The following SYT14 variants were observed in gnomAD, a reference collection of about 807,000 sequenced individuals.
SYT14 encodes synaptotagmin-14.
A neutral mutation model predicts 74.2 loss-of-function variants in SYT14; 32 were observed. The ratio of observed to expected loss-of-function variants is 0.43; its 90% CI spans 0.33 to 0.58. The LOEUF is 0.58. Among genes scored for constraint, SYT14 ranks in the 20% least tolerant of loss-of-function variants. SYT14 has a pLI of 0.05. For synonymous variants in SYT14, 298 were observed against 337.7 expected (o/e 0.88, Z 1.29); for missense variants, 791 against 981.8 (o/e 0.81, Z 2.60).
At chr1:210,160,554 T>A (rs574255580) in intron 9 of SYT14, among the ~76,000 whole-genome samples, 175 bp from the exon 9 acceptor site, 4 of 152,328 alleles carry the variant, frequency 2.6e-5, no homozygotes, top group African/African-American at 4.8e-5. Context: ...GGATTCTCTG[T>A]ATTTGTCACA....
Position 210,121,749 on chromosome 1 carries a change from G to A in SYT14, c.2034+21288G>A, listed in dbSNP as rs560579131. 5.1e-4 allele frequency among the ~76,000 whole-genome samples: 76 copies of A among 149,586 alleles called. 1 individual carries two copies. In the South Asian group the frequency reaches 0.011, roughly 22 times the overall value. On this transcript the variant is annotated intron_variant, in intron 7 of 9. Coordinates refer to ENST00000637265, the Ensembl canonical transcript of SYT14. ...GCAGAGCTTGCAGTGAGCCAAGATC[G>A]CACCACTGCACTCTAGCCTGGGCGA... is the stretch of plus-strand genomic sequence containing the variant.
At chr1:209,970,793 T>G (rs1487834074) in intron 2 of SYT14, among the ~76,000 whole-genome samples, 1 of 147,870 alleles carries the variant, frequency 6.8e-6, no homozygotes, top group Non-Finnish European at 1.5e-5. Context: ...GCCATTCTCC[T>G]GCCCTCAGCC....
chr1:210,108,270 A>T (rs2082195804), intron 7 of SYT14, among the ~76,000 whole-genome samples: 1 of 108,914 alleles, frequency 9.2e-6, no homozygotes. Flanking sequence ...AAAGAGAGGT[A>T]AAGTAGGAAG....
At chr1:209,944,573 T>C (rs945265700) in intron 1 of SYT14, among the ~76,000 whole-genome samples, 3 of 152,206 alleles carry the variant, frequency 2.0e-5, no homozygotes, top group African/African-American at 7.2e-5. Context: ...TTTCAAAGTG[T>C]AGGCTGCTAT....
chr1:209,940,506 T>TA (rs2078713247), intron 1 of SYT14, among the ~76,000 whole-genome samples: 1 of 152,214 alleles, frequency 6.6e-6, no homozygotes, highest in Admixed American at 6.5e-5. Flanking sequence ...AACATGCAAT[T>TA]ACAGTGTAGT....
intron 7 of SYT14, among the ~76,000 whole-genome samples, chr1:210,126,835 C>T (rs1285979850): frequency 6.6e-6 from 1 of 152,156 alleles, no homozygotes. Context: ...CCATTTTCCT[C>T]TGAATCTTTT....
chr1:209,980,270 T>A (rs905700254), intron 2 of SYT14, among the ~76,000 whole-genome samples: 1 of 152,200 alleles, frequency 6.6e-6, no homozygotes, highest in Admixed American at 6.5e-5. Flanking sequence ...TTGAGAAGTG[T>A]CTGTTCATAT....
At chr1:209,953,765 T>C (rs752192794) in intron 2 of SYT14, among the ~76,000 whole-genome samples, 1 of 152,250 alleles carries the variant, frequency 6.6e-6, no homozygotes, top group Non-Finnish European at 1.5e-5. Flanking sequence ...ATACAATTGC[T>C]GTTCATTTAA....
At chr1:209,950,298 T>G (rs919080222) in intron 1 of SYT14, among the ~76,000 whole-genome samples, 3 of 152,194 alleles carry the variant, frequency 2.0e-5, no homozygotes, top group African/African-American at 4.8e-5. Context: ...CTCAATATAT[T>G]AATACATTAT....
intron 2 of SYT14, among the ~76,000 whole-genome samples, chr1:210,003,199 G>A (rs2079932904): frequency 6.6e-6 from 1 of 152,112 alleles, no homozygotes; most frequent in African/African-American, 2.4e-5. Flanking sequence ...CTGCTCTGCA[G>A]CCAACTTTGT....
chr1:210,101,875 G>C (rs1026199453), intron 7 of SYT14, among the ~76,000 whole-genome samples: 1 of 152,010 alleles, frequency 6.6e-6, no homozygotes, highest in Non-Finnish European at 1.5e-5. Context: ...TAATTTATCT[G>C]TTACCAATTA....
intron 8 of SYT14, chr1:210,156,843 C>T (rs1036141838): frequency 5.2e-6 from 2 of 383,994 alleles, no homozygotes; most frequent in East Asian, 7.6e-5. Context: ...CAGGCACCCA[C>T]CACCACACCT....
chr1:210,094,556 A>G, exon 6 of SYT14: 2 of 1,606,204 alleles, frequency 1.2e-6, no homozygotes, highest in East Asian at 4.5e-5. Context: ...TATGAAGAAG[A>G]TGTTCCAAGT....
At chr1:210,050,287 TAAC>T (rs910142111) in intron 5 of SYT14, among the ~76,000 whole-genome samples, 1 of 152,180 alleles carries the variant, frequency 6.6e-6, no homozygotes, top group African/African-American at 2.4e-5. Context: ...TGCTAAAACA[TAAC>T]AAGAGTCACC....
chr1:210,123,155 G>A (rs893368513), intron 7 of SYT14, among the ~76,000 whole-genome samples: 5 of 152,168 alleles, frequency 3.3e-5, no homozygotes, highest in African/African-American at 1.2e-4. Context: ...TAGTGGATTA[G>A]GCACATATAA....
At chr1:210,166,854 G>A (rs942031157) in exon 10 of SYT14, 1 of 152,086 alleles carries the variant, frequency 6.6e-6, no homozygotes, top group Non-Finnish European at 1.5e-5. Flanking sequence ...AGACCTTTAA[G>A]TGTGATAGTG....
At chr1:210,025,038 C>G (rs2080381275) in intron 5 of SYT14, among the ~76,000 whole-genome samples, 1 of 152,136 alleles carries the variant, frequency 6.6e-6, no homozygotes, top group South Asian at 2.1e-4. Flanking sequence ...GCCGCCTTCA[C>G]TTTCTTAGCA....
intron 5 of SYT14, among the ~76,000 whole-genome samples, chr1:210,089,665 TC>T (rs1435932374): frequency 8.5e-5 from 13 of 152,338 alleles, no homozygotes; most frequent in African/African-American, 2.9e-4. Context: ...CGTTTAGATT[TC>T]TATACATTTT....
At chr1:210,098,240 C>T (rs377551790) in intron 6 of SYT14, among the ~76,000 whole-genome samples, 12 of 152,106 alleles carry the variant, frequency 7.9e-5, no homozygotes, top group East Asian at 3.9e-4. Context: ...AGCACTCTCC[C>T]GACCTAAAAT....
Sources: allele counts gnomAD v4.1 joint callset (sites outside exome capture counted in the v4.1 genomes callset), GRCh38; gene constraint gnomAD v4.1.1; transcripts MANE v1.5; gene names NCBI Gene and HGNC (gene_info 2026-07-23, HGNC 2026-07-21).